EYS: variants seen among roughly 807,000 people sequenced by gnomAD.
The protein encoded by EYS is EGF-like photoreceptor maintenance factor.
EYS carries 250 observed loss-of-function variants against 282.1 expected under a neutral mutation model. The ratio of observed to expected loss-of-function variants is 0.89; its 90% CI spans 0.80 to 0.98. The LOEUF is 0.98. EYS is among the 50% of genes least tolerant of loss of function. EYS has a pLI of 0.00. For synonymous variants in EYS, 1,355 were observed against 1,282.9 expected, an observed-to-expected ratio of 1.06 and a Z score of -1.20; for missense variants, 4,016 against 3,709.0, an observed-to-expected ratio of 1.08 and a Z score of -2.15.
At chr6:65,186,990 T>C (rs1030544158) in intron 12 of EYS, among the ~76,000 whole-genome samples, 2 of 151,828 alleles carry the variant, frequency 1.3e-5, no homozygotes, top group Admixed American at 1.3e-4. Flanking sequence ...CGTTCACTAT[T>C]ATTGCCTCAA....
chr6:65,151,012 G>C (rs758171573), intron 12 of EYS, among the ~76,000 whole-genome samples: 1 of 151,872 alleles, frequency 6.6e-6, no homozygotes, highest in Non-Finnish European at 1.5e-5. Flanking sequence ...TCTTCAAAAT[G>C]TTTCTTGAGT....
chr6:63,817,544 C>A (rs185140522), intron 36 of EYS, among the ~76,000 whole-genome samples: 34 of 152,224 alleles, frequency 2.2e-4, no homozygotes, highest in African/African-American at 7.7e-4. Flanking sequence ...CTCTTCCCCC[C>A]AGTCTCCTGT....
At chr6:65,465,736 C>T (rs2150412731) in intron 5 of EYS, among the ~76,000 whole-genome samples, 1 of 152,234 alleles carries the variant, frequency 6.6e-6, no homozygotes, top group African/African-American at 2.4e-5. Context: ...AACTGCAGCA[C>T]TTTAGGTGGC....
At chr6:64,899,331 A>G (rs1767575054) in intron 18 of EYS, among the ~76,000 whole-genome samples, 1 of 152,176 alleles carries the variant, frequency 6.6e-6, no homozygotes, top group Admixed American at 6.6e-5. Context: ...TGGAAACTGA[A>G]TGACCTCCTC....
intron 14 of EYS, among the ~76,000 whole-genome samples, chr6:64,966,234 A>G (rs1770090691): frequency 6.6e-6 from 1 of 152,148 alleles, no homozygotes; most frequent in Non-Finnish European, 1.5e-5. Flanking sequence ...CATTTGTCCT[A>G]TATGCTAATG....
At chr6:65,645,267 A>G (rs1360810694) in intron 1 of EYS, among the ~76,000 whole-genome samples, 2 of 152,184 alleles carry the variant, frequency 1.3e-5, no homozygotes, top group African/African-American at 4.8e-5. Flanking sequence ...ATTCTACAAG[A>G]TAAACCATAT....
At chr6:65,204,075 A>G (rs1408976735) in intron 12 of EYS, among the ~76,000 whole-genome samples, 1 of 152,102 alleles carries the variant, frequency 6.6e-6, no homozygotes. Flanking sequence ...ATGTAAAGCG[A>G]CCAAATCTAC....
intron 26 of EYS, among the ~76,000 whole-genome samples, chr6:64,575,180 A>AT (rs1478223062): frequency 6.6e-6 from 1 of 152,162 alleles, no homozygotes; most frequent in Non-Finnish European, 1.5e-5. Flanking sequence ...GATGTTTCCA[A>AT]ATTATACACA....
intron 27 of EYS, among the ~76,000 whole-genome samples, chr6:64,438,414 C>T (rs1774821938): frequency 6.6e-6 from 1 of 151,700 alleles, no homozygotes; most frequent in African/African-American, 2.4e-5. Context: ...CTCTGGAAAA[C>T]TCTACTATAC....
Position 64,630,253 on chromosome 6 carries a change from G to A in EYS, c.3444-4008C>T, listed in dbSNP as rs372304902. ...TGGGACTAGAGGCACACACCACCACGCCCAGCTATTTTATTTTGTATTTTT... is the reference window on the plus strand; with the variant it reads ...TGGGACTAGAGGCACACACCACCACACCCAGCTATTTTATTTTGTATTTTT... On this transcript the variant is annotated intron_variant, in intron 22 of 42. Transcript: ENST00000503581. Among the ~76,000 whole-genome samples, 151 of 151,952 alleles carry A rather than the reference G, an allele frequency of 9.9e-4. No individual in the cohort carries two copies. In the South Asian group the frequency reaches 0.024, roughly 24 times the overall value.
At position 63,721,466 on chromosome 6, in the gene EYS, A is replaced by G. The variant is rs1768387033; in HGVS notation, c.8565T>C (p.Asn2855=). 4.5e-6 allele frequency: 7 copies of G among 1,551,406 alleles called. No homozygotes were observed. The highest frequency in any genetic ancestry group is 6.1e-6 in the Non-Finnish European group (7 of 1,146,848). Residue 2855 remains asparagine (N), a synonymous_variant, in exon 43 of 43, where the codon AAT becomes AAC. Coordinates refer to ENST00000503581, the MANE Select transcript of EYS (RefSeq NM_001142800.2). The part of the protein sequence containing the change: ...QGCIRQVIIN[N]QELQLTEFGA... ...CAAATTCAGTTAATTGTAATTCTTG[A>G]TTATTTATGATAACTTGTCGGATAC...
chr6:64,033,063 C>G (rs1044902223), intron 33 of EYS, among the ~76,000 whole-genome samples: 1 of 152,176 alleles, frequency 6.6e-6, no homozygotes, highest in Non-Finnish European at 1.5e-5. Flanking sequence ...TCCTATCACT[C>G]AGGAGGTTAC....
chr6:65,011,526 C>T (rs935209592), intron 13 of EYS, among the ~76,000 whole-genome samples: 4 of 152,156 alleles, frequency 2.6e-5, no homozygotes, highest in African/African-American at 4.8e-5. Flanking sequence ...ACACCCCTCC[C>T]GAGGAAATCT....
chr6:64,887,275 T>A (rs549203947), intron 18 of EYS, among the ~76,000 whole-genome samples: 10 of 101,256 alleles, frequency 9.9e-5, no homozygotes, highest in South Asian at 3.8e-4. Flanking sequence ...CACCGGGGAC[T>A]GTTGTGGGGT....
intron 42 of EYS, among the ~76,000 whole-genome samples, chr6:63,723,506 C>G (rs1458577427): frequency 6.6e-6 from 1 of 151,982 alleles, no homozygotes; most frequent in Non-Finnish European, 1.5e-5. Context: ...TAGTGAAGAG[C>G]TACATTAGAA....
intron 1 of EYS, among the ~76,000 whole-genome samples, chr6:65,643,298 C>A (rs1767341403): frequency 6.6e-6 from 1 of 152,136 alleles, no homozygotes; most frequent in African/African-American, 2.4e-5. Flanking sequence ...TACGACTCAG[C>A]AGAGGCAACC....
chr6:65,434,735 C>G (rs954507391), intron 5 of EYS, among the ~76,000 whole-genome samples: 1 of 152,142 alleles, frequency 6.6e-6, no homozygotes, highest in African/African-American at 2.4e-5. Flanking sequence ...CTGAAAGATG[C>G]ATTTAATGCT....
chr6:65,203,119 A>ACTCC (rs1765944536), intron 12 of EYS, among the ~76,000 whole-genome samples: 1 of 152,180 alleles, frequency 6.6e-6, no homozygotes, highest in Non-Finnish European at 1.5e-5. Flanking sequence ...AACAAAGGCT[A>ACTCC]TGTAAAAATT....
rs527903230 is a variant in EYS at position 64,346,675 on chromosome 6, G to A, written c.6079-39593C>T. 1.6e-3 allele frequency among the ~76,000 whole-genome samples: 248 copies of A among 151,346 alleles called. 1 individual carries two copies. Among genetic ancestry groups the A allele is most frequent in the African/African-American group, 5.3e-3 (220 of 41,378 alleles). On this transcript the variant is annotated intron_variant, in intron 29 of 42. Transcript: ENST00000503581. ...TATGTAACAAACCTGCACGTTGGGC[G>A]CATGTACCCTAAAACTTAAAGTATA...
Sources: allele counts gnomAD v4.1 joint callset (sites outside exome capture counted in the v4.1 genomes callset), GRCh38; gene constraint gnomAD v4.1.1; transcripts MANE v1.5; gene names NCBI Gene and HGNC (gene_info 2026-07-23, HGNC 2026-07-21).